Variants in UBAC2 observed in about 807,000 individuals in gnomAD.
UBAC2 encodes UBA domain containing 2, also known as ubiquitin-associated domain-containing protein 2.
In UBAC2, 26 loss-of-function variants were observed where a neutral mutation model predicts 44.0. That is an observed-to-expected ratio of 0.59 (90% CI 0.43 to 0.82). The LOEUF (loss-of-function observed/expected upper bound fraction) is 0.82. UBAC2 is among the 40% of genes least tolerant of loss of function. The probability of loss-of-function intolerance (pLI) is 0.00; values close to 1 mark genes in which losing one functional copy is unlikely to be tolerated. For synonymous variants in UBAC2, 155 were observed against 154.3 expected, an observed-to-expected ratio of 1.00 and a Z score of -0.04; for missense variants, 329 against 419.4, an observed-to-expected ratio of 0.78 and a Z score of 1.88.
chr13:99,337,756 G>A (rs1446477097), intron 6 of UBAC2, among the ~76,000 whole-genome samples: 1 of 152,042 alleles, frequency 6.6e-6, no homozygotes, highest in African/African-American at 2.4e-5. Flanking sequence ...ACCCTCCTTG[G>A]TTCATGCCCT....
At chr13:99,204,619 G>A (rs920374940) in intron 1 of UBAC2, among the ~76,000 whole-genome samples, 34 of 152,268 alleles carry the variant, frequency 2.2e-4, no homozygotes, top group African/African-American at 8.2e-4. Context: ...CAATTTCAGG[G>A]GAGAGTGGCT....
At chr13:99,362,623 T>C (rs1466019410) in intron 7 of UBAC2, among the ~76,000 whole-genome samples, 4 of 152,266 alleles carry the variant, frequency 2.6e-5, no homozygotes, top group Non-Finnish European at 5.9e-5. Flanking sequence ...TCTTTTCATA[T>C]GTTTCTTGAC....
chr13:99,257,674 TAG>T (rs1245145538), intron 4 of UBAC2, among the ~76,000 whole-genome samples: 25 of 152,232 alleles, frequency 1.6e-4, no homozygotes, highest in African/African-American at 6.0e-4. Flanking sequence ...TTAAAAGCTA[TAG>T]ATACCATGAT....
At chr13:99,224,627 G>A (rs939716062) in intron 1 of UBAC2, among the ~76,000 whole-genome samples, 1 of 151,954 alleles carries the variant, frequency 6.6e-6, no homozygotes, top group Admixed American at 6.5e-5. Context: ...AGAAAGAGGG[G>A]TACACTGAAC....
intron 4 of UBAC2, among the ~76,000 whole-genome samples, chr13:99,281,670 A>G (rs1382889252): frequency 6.6e-6 from 1 of 152,240 alleles, no homozygotes; most frequent in African/African-American, 2.4e-5. Context: ...CAAGAGGAAG[A>G]GGCTTTTCTT....
At chr13:99,363,564 G>GT (rs2045293426) in intron 7 of UBAC2, among the ~76,000 whole-genome samples, 1 of 152,226 alleles carries the variant, frequency 6.6e-6, no homozygotes, top group Non-Finnish European at 1.5e-5. Flanking sequence ...TGCTGCTGCT[G>GT]TATCCTCAGC....
In UBAC2 at chr13:99,200,861, A is replaced by G. The variant is rs976319229; in HGVS notation, c.-48A>G. 1.0e-4 allele frequency: 130 copies of G among 1,276,492 alleles called. 1 individual carries two copies. The highest frequency in any genetic ancestry group is 1.3e-4 in the Non-Finnish European group (127 of 1,000,028). 79.1% of individuals were successfully genotyped at this position (1,276,492 alleles called of 1,614,324 possible). On this transcript the variant is annotated 5_prime_UTR_variant, in exon 1 of 9. Coordinates refer to ENST00000403766, the MANE Select transcript of UBAC2 (RefSeq NM_001144072.2). ...GCGCGGTCGCTGGGGCTCGCACTTC[A>G]GCTTCCCCTCCCCCGGCGCCCTCTG...
intron 6 of UBAC2, among the ~76,000 whole-genome samples, chr13:99,325,410 A>G (rs756325325): frequency 1.3e-5 from 2 of 152,088 alleles, no homozygotes; most frequent in East Asian, 1.9e-4. Flanking sequence ...GCCTATGTCT[A>G]TGCTCTTAAA....
At chr13:99,317,293 A>T (rs1167096534) in intron 5 of UBAC2, among the ~76,000 whole-genome samples, 1 of 152,224 alleles carries the variant, frequency 6.6e-6, no homozygotes, top group Admixed American at 6.5e-5. Context: ...TCTAAAAATT[A>T]ACCAACAATA....
chr13:99,254,893 T>C (rs2043514031), intron 4 of UBAC2: 1 of 1,612,604 alleles, frequency 6.2e-7, no homozygotes, highest in African/African-American at 1.3e-5. Flanking sequence ...CATTTCACTG[T>C]TTATATTGCT....
rs1009850102 is a variant in UBAC2 at position 99,385,546 on chromosome 13, A to G, written c.*211A>G. ...TTACATTAGCATGTATTTTCTATCT[A>G]TATTTTTTATTGGGCATTTTCCCTA... On this transcript the variant is annotated 3_prime_UTR_variant, in exon 9 of 9. Transcript: ENST00000403766. 5.2e-5 allele frequency: 27 copies of G among 517,910 alleles called. No homozygotes were observed. Among genetic ancestry groups the G allele is most frequent in the African/African-American group, 3.1e-4 (16 of 51,764 alleles). The allele number at this position is 517,910 out of a possible 1,614,324, so 32.1% of individuals were successfully genotyped here. A position where few individuals can be genotyped will look rare whatever the true frequency, so the allele number is the denominator to read the frequency against.
At chr13:99,362,596 A>G (rs749127348) in intron 7 of UBAC2, among the ~76,000 whole-genome samples, 3 of 152,226 alleles carry the variant, frequency 2.0e-5, no homozygotes, top group African/African-American at 7.2e-5. Context: ...TTTCCCTAAC[A>G]CTAGTGAGAT....
intron 6 of UBAC2, among the ~76,000 whole-genome samples, chr13:99,336,102 A>G (rs376292485): frequency 6.6e-6 from 1 of 152,170 alleles, no homozygotes; most frequent in East Asian, 1.9e-4. Context: ...TCCTAAAAAC[A>G]AGTGAGGATA....
intron 8 of UBAC2, among the ~76,000 whole-genome samples, chr13:99,376,585 C>T (rs921410861): frequency 2.6e-5 from 4 of 152,136 alleles, no homozygotes; most frequent in African/African-American, 7.2e-5. Flanking sequence ...TTTCCTGTTA[C>T]GGAAAGCAGG....
At chr13:99,271,667 C>G (rs1269284408) in intron 4 of UBAC2, among the ~76,000 whole-genome samples, 1 of 152,140 alleles carries the variant, frequency 6.6e-6, no homozygotes, top group African/African-American at 2.4e-5. Flanking sequence ...TTGTTTTTCA[C>G]TTCTGCTTCT....
intron 6 of UBAC2, among the ~76,000 whole-genome samples, chr13:99,328,327 A>T (rs928822403): frequency 6.6e-6 from 1 of 152,226 alleles, no homozygotes; most frequent in South Asian, 2.1e-4. Flanking sequence ...ATCTGTGTAC[A>T]CATTTGTGTG....
intron 1 of UBAC2, chr13:99,215,306 A>G: frequency 1.3e-6 from 1 of 773,988 alleles, no homozygotes; most frequent in East Asian, 2.4e-5. Context: ...GTCCACTGGC[A>G]TCACCAACAC....
At chr13:99,248,430 C>T (rs573372809) in intron 4 of UBAC2, among the ~76,000 whole-genome samples, 2 of 150,582 alleles carry the variant, frequency 1.3e-5, no homozygotes, top group East Asian at 1.9e-4. Flanking sequence ...TCACTCTTGC[C>T]GCCCAGGCTG....
intron 7 of UBAC2, among the ~76,000 whole-genome samples, chr13:99,359,773 G>A (rs931358016): frequency 1.3e-5 from 2 of 152,214 alleles, no homozygotes; most frequent in African/African-American, 4.8e-5. Context: ...TGTGGGCCCT[G>A]CCTCGCCTCC....
Sources: gnomAD v4.1 joint callset for allele counts (sites outside exome capture counted in the v4.1 genomes callset) on GRCh38, gnomAD v4.1.1 for gene constraint, MANE v1.5 for transcripts, NCBI Gene and HGNC (gene_info 2026-07-23, HGNC 2026-07-21) for gene names.